CEMIP: variants seen among roughly 807,000 people sequenced by gnomAD.
CEMIP encodes cell migration inducing hyaluronidase 1.
In CEMIP, 105 loss-of-function variants were observed where a neutral mutation model predicts 156.9. That is an observed-to-expected ratio of 0.67 (90% CI 0.57 to 0.79). CEMIP has a LOEUF of 0.79. CEMIP is among the 30% of genes least tolerant of loss of function. CEMIP has a pLI of 0.00. For synonymous variants in CEMIP, 676 were observed against 668.4 expected (o/e 1.01, Z -0.17); for missense variants, 1,457 against 1,769.4 (o/e 0.82, Z 3.17).
At chr15:80,841,733 G>A (rs767671840) in intron 1 of CEMIP, among the ~76,000 whole-genome samples, 22 of 152,178 alleles carry the variant, frequency 1.4e-4, no homozygotes, top group Non-Finnish European at 2.2e-4. Flanking sequence ...GACAAGGCTG[G>A]GAGGCCAGGG....
At position 80,909,175 on chromosome 15, in the gene CEMIP, C is replaced by G. The variant is rs1303266004; in HGVS notation, c.1666C>G (p.Pro556Ala). Residue 556 changes from proline to alanine, a missense_variant, in exon 14 of 30, where the codon CCG (proline) becomes GCG (alanine). Physicochemically the swap from Pro to Ala is conservative, Grantham distance 27. Coordinates refer to ENST00000394685, the MANE Select transcript of CEMIP (RefSeq NM_001293298.2). Reference sequence around the variant, plus strand: ...GGGACAGCAGCTGGTGGGTCAGTACCCGATTCACTTCCACCTGGCCGGTGA... The same window carrying G: ...GGGACAGCAGCTGGTGGGTCAGTACGCGATTCACTTCCACCTGGCCGGTGA... ...HMGQQLVGQYPIHFHLAGDVD... is the reference protein window; with the variant it reads ...HMGQQLVGQYAIHFHLAGDVD... 6.2e-7 allele frequency: 1 copy of G among 1,614,104 alleles called. No homozygotes were observed. Among genetic ancestry groups the G allele is most frequent in the South Asian group, 1.1e-5 (1 of 91,072 alleles).
chr15:80,897,832 T>C (rs1193279929), intron 12 of CEMIP, among the ~76,000 whole-genome samples: 1 of 152,096 alleles, frequency 6.6e-6, no homozygotes, highest in Admixed American at 6.5e-5. Flanking sequence ...ATAAACTTTA[T>C]CTCTAAGCTA....
rs561374860 is a variant in CEMIP, at chr15:80,932,853, AGTGT to A, written c.2794-387_2794-384del. Among the ~76,000 whole-genome samples the A allele has an allele frequency of 4.5e-4, 69 of 152,240 alleles. No homozygotes were observed. Among genetic ancestry groups the A allele is most frequent in the African/African-American group, 1.6e-3 (67 of 41,550 alleles). On this transcript the variant is annotated intron_variant, in intron 22 of 29. Coordinates refer to ENST00000394685, the MANE Select transcript of CEMIP (RefSeq NM_001293298.2). This position sits in a 1 kb window ranked among gnomAD's most constrained non-coding sequence, Gnocchi z 4.5. ...GTGTATGTGTGTGTGTATGTGTAAA[AGTGT>A]GTGTACCCTTTCTCATACACACATC...
At chr15:80,890,120 G>A (rs1289561366) in intron 10 of CEMIP, among the ~76,000 whole-genome samples, 1 of 152,214 alleles carries the variant, frequency 6.6e-6, no homozygotes, top group Non-Finnish European at 1.5e-5. Context: ...TCAAGAAAGT[G>A]TTGAGTAAAT....
At chr15:80,813,350 A>T (rs372040213) in intron 1 of CEMIP, among the ~76,000 whole-genome samples, 18 of 129,432 alleles carry the variant, frequency 1.4e-4, no homozygotes, top group Admixed American at 2.3e-4. Flanking sequence ...AGCAGTACGG[A>T]TTTTTTTTTT....
chr15:80,936,963 T>C (rs965524815), intron 24 of CEMIP, 78 bp downstream of exon 24: 1 of 1,358,008 alleles, frequency 7.4e-7, no homozygotes, highest in Middle Eastern at 2.4e-4. Flanking sequence ...GACTTGCGTC[T>C]AACGAAACCA....
chr15:80,849,004 T>G (rs1443939154), intron 1 of CEMIP, among the ~76,000 whole-genome samples: 1 of 98,606 alleles, frequency 1.0e-5, no homozygotes, highest in East Asian at 3.3e-4. Context: ...TTTTTTTTTT[T>G]TGAGAGAGAT....
chr15:80,814,839 G>A (rs1896755178), intron 1 of CEMIP, among the ~76,000 whole-genome samples: 1 of 152,168 alleles, frequency 6.6e-6, no homozygotes. Context: ...TTAAATTCTA[G>A]GGGTGTGCTT....
chr15:80,812,258 C>T (rs1896689870), intron 1 of CEMIP, among the ~76,000 whole-genome samples: 1 of 152,172 alleles, frequency 6.6e-6, no homozygotes, highest in Non-Finnish European at 1.5e-5. Context: ...GTTATAATTA[C>T]CTGGGTGGTG....
intron 1 of CEMIP, among the ~76,000 whole-genome samples, chr15:80,847,748 C>A (rs1308456783): frequency 6.6e-6 from 1 of 152,206 alleles, no homozygotes; most frequent in Non-Finnish European, 1.5e-5. Context: ...TTCATTCTGG[C>A]AAAACCGTGG....
chr15:80,810,963 T>C (rs1011729181), intron 1 of CEMIP, among the ~76,000 whole-genome samples: 12 of 152,158 alleles, frequency 7.9e-5, no homozygotes, highest in African/African-American at 2.7e-4. Flanking sequence ...GTCCATTCAT[T>C]TGCCTGTCTA....
chr15:80,943,198 A>T (rs748297496), intron 28 of CEMIP, 96 bp downstream of exon 28: 19 of 1,352,290 alleles, frequency 1.4e-5, no homozygotes, highest in Non-Finnish European at 2.0e-5. Context: ...ATCACAGATC[A>T]GTCTGGAAAA....
In CEMIP at chr15:80,889,506, G is replaced by A. The variant is rs768710335; in HGVS notation, c.1000G>A (p.Val334Ile). The change falls in exon 10 of 30, where the codon GTA becomes ATA. Residue 334 changes from valine (V) to isoleucine (I), a missense_variant. This residue lies in a region of CEMIP where 280 missense variants were observed against 300.3 expected (regional missense o/e 0.93). Coordinates refer to ENST00000394685, the MANE Select transcript of CEMIP (RefSeq NM_001293298.2). ...EWTEWFDHDK[V>I]SQTKGGEKIS... The stretch of plus-strand genomic sequence containing the variant: ...GACGGAGTGGTTCGATCATGATAAA[G>A]TATCTCAGACTAAAGGTGGGGAGAA... 36 of 1,614,110 alleles carry A rather than the reference G, an allele frequency of 2.2e-5. No individual in the cohort carries two copies. Among genetic ancestry groups the A allele is most frequent in the Non-Finnish European group, 3.1e-5 (36 of 1,180,010 alleles).
intron 1 of CEMIP, among the ~76,000 whole-genome samples, chr15:80,814,450 C>T (rs969870887): frequency 6.6e-6 from 1 of 152,216 alleles, no homozygotes; most frequent in Non-Finnish European, 1.5e-5. Flanking sequence ...TAGGGCAGCA[C>T]ATTGGTCATT....
intron 1 of CEMIP, among the ~76,000 whole-genome samples, chr15:80,814,011 A>T (rs1303250027): frequency 7.0e-6 from 1 of 143,538 alleles, no homozygotes; most frequent in Non-Finnish European, 1.5e-5. Context: ...ACCCTCTCCC[A>T]TCCATAAAAG....
intron 28 of CEMIP, chr15:80,946,620 C>T (rs1202271679): frequency 6.7e-6 from 2 of 299,834 alleles, no homozygotes; most frequent in Non-Finnish European, 1.3e-5. Flanking sequence ...AGATACATAT[C>T]GAAGTCCTAC....
At chr15:80,845,746 C>A (rs1389746358) in intron 1 of CEMIP, among the ~76,000 whole-genome samples, 3 of 152,150 alleles carry the variant, frequency 2.0e-5, no homozygotes, top group African/African-American at 7.2e-5. Context: ...ATGGAGTGGG[C>A]AGGCCATAAC....
At chr15:80,780,736 C>G (rs1036817633) in intron 1 of CEMIP, among the ~76,000 whole-genome samples, 2 of 152,248 alleles carry the variant, frequency 1.3e-5, no homozygotes, top group African/African-American at 2.4e-5. Context: ...AGGGCGCGCC[C>G]GAGGGCGGGG....
chr15:80,926,269 A>G lies in CEMIP; in HGVS notation c.2420+514A>G, dbSNP rs116586268. Reference sequence around the variant, plus strand: ...ACAGTTCACTGGACTCCAAGACCCAAATGAAAAAGGCAGGGAACGCTGAGC... The same window carrying G: ...ACAGTTCACTGGACTCCAAGACCCAGATGAAAAAGGCAGGGAACGCTGAGC... On this transcript the variant is annotated intron_variant, in intron 19 of 29. Coordinates refer to ENST00000394685, the MANE Select transcript of CEMIP (RefSeq NM_001293298.2). Among the ~76,000 whole-genome samples, 940 of 152,306 alleles carry G rather than the reference A, an allele frequency of 6.2e-3. 10 individuals carry two copies. Among genetic ancestry groups the G allele is most frequent in the African/African-American group, 0.022 (897 of 41,564 alleles).
Sources: gnomAD v4.1 joint callset for allele counts (sites outside exome capture counted in the v4.1 genomes callset) on GRCh38, gnomAD v4.1.1 for gene constraint, gnomAD v4.1.1 regional missense constraint, Gnocchi (gnomAD v3.1) non-coding constraint, MANE v1.5 for transcripts, NCBI Gene and HGNC (gene_info 2026-07-23, HGNC 2026-07-21) for gene names.